Variants in FAAH2 observed in about 807,000 individuals in gnomAD.
The protein encoded by FAAH2 is fatty-acid amide hydrolase 2.
Under a neutral mutation model 36.9 loss-of-function variants are expected in FAAH2, and 60 were observed. That is an observed-to-expected ratio of 1.63 (90% confidence interval 1.32 to 2.02). FAAH2 has a LOEUF of 2.02. Ranked by LOEUF, FAAH2 falls within the 30% of genes most tolerant of loss-of-function variation. The probability of loss-of-function intolerance (pLI) is 0.00; values close to 1 mark genes in which losing one functional copy is unlikely to be tolerated. For synonymous variants in FAAH2, 214 were observed against 143.8 expected (o/e 1.49, Z -3.49); for missense variants, 689 against 397.5 (o/e 1.73, Z -6.23).
intron 4 of FAAH2, among the ~76,000 whole-genome samples, chrX:57,338,672 G>T (rs766920087): frequency 2.9e-4 from 32 of 110,791 alleles, no homozygotes; most frequent in East Asian, 2.9e-4. Flanking sequence ...TGCTACAAAA[G>T]AATACGATAC....
chrX:57,395,024 G>A, intron 7 of FAAH2: 2 of 560,778 alleles, frequency 3.6e-6, no homozygotes, highest in Non-Finnish European at 3.3e-6. Flanking sequence ...AAGTTTCCCA[G>A]CACTGATGCT....
At chrX:57,484,111 A>T (rs995058475) in intron 10 of FAAH2, among the ~76,000 whole-genome samples, 11 of 110,931 alleles carry the variant, frequency 9.9e-5, no homozygotes, top group Non-Finnish European at 1.7e-4. Flanking sequence ...AGCCACTGGC[A>T]ACTTTTTTAT....
intron 2 of FAAH2, among the ~76,000 whole-genome samples, chrX:57,297,083 G>T (rs747753578): frequency 1.8e-5 from 2 of 110,394 alleles, no homozygotes; most frequent in Non-Finnish European, 3.8e-5. Flanking sequence ...CCAACATTCA[G>T]ATCCAGGAAA....
intron 5 of FAAH2, among the ~76,000 whole-genome samples, chrX:57,359,197 C>A (rs773958137): frequency 9.0e-6 from 1 of 111,058 alleles, no homozygotes; most frequent in Admixed American, 9.6e-5. Context: ...TCCTTCACTA[C>A]CCTTACCAGC....
At chrX:57,204,228 T>A in the FAAH2 span, among the ~76,000 whole-genome samples, 1 of 111,663 alleles carries the variant, frequency 9.0e-6, no homozygotes, top group African/African-American at 3.3e-5. Flanking sequence ...CAAATAGGTT[T>A]TTGAGGGTGG....
chrX:57,232,735 T>C, the FAAH2 span, among the ~76,000 whole-genome samples: 1 of 112,381 alleles, frequency 8.9e-6, no homozygotes, highest in South Asian at 3.7e-4. Context: ...TGTTTTCTTC[T>C]AACTCTTAGA....
intron 7 of FAAH2, among the ~76,000 whole-genome samples, chrX:57,411,569 T>C (rs952887869): frequency 1.8e-5 from 2 of 111,851 alleles, no homozygotes; most frequent in African/African-American, 3.3e-5. Flanking sequence ...CTGGCTCTTA[T>C]GTGTTTCCTC....
the FAAH2 span, among the ~76,000 whole-genome samples, chrX:57,142,182 A>G: frequency 9.0e-6 from 1 of 111,319 alleles, no homozygotes; most frequent in African/African-American, 3.3e-5. Context: ...TACTTCTTTA[A>G]GGTGCATTTT....
the FAAH2 span, among the ~76,000 whole-genome samples, chrX:57,207,859 C>T: frequency 8.9e-6 from 1 of 112,916 alleles, no homozygotes; most frequent in African/African-American, 3.2e-5. Flanking sequence ...TACTGTGACA[C>T]TACTGGCTGT....
At chrX:57,221,261 A>G in the FAAH2 span, among the ~76,000 whole-genome samples, 2 of 111,087 alleles carry the variant, frequency 1.8e-5, no homozygotes, top group Non-Finnish European at 3.8e-5. Context: ...AGTACCCAAC[A>G]CATCAACCCA....
At chrX:57,231,493 G>A in the FAAH2 span, among the ~76,000 whole-genome samples, 2 of 111,399 alleles carry the variant, frequency 1.8e-5, no homozygotes, top group Non-Finnish European at 3.8e-5. Flanking sequence ...GTAATTGCAA[G>A]AATATTTTGA....
chrX:57,434,996 CA>C (rs1425663284), intron 8 of FAAH2, among the ~76,000 whole-genome samples: 2 of 110,954 alleles, frequency 1.8e-5, no homozygotes, highest in African/African-American at 6.5e-5. Flanking sequence ...GAAAAAAATA[CA>C]ATAAAAATGT....
chrX:57,128,570 A>G, the FAAH2 span, among the ~76,000 whole-genome samples: 1 of 111,886 alleles, frequency 8.9e-6, no homozygotes, highest in African/African-American at 3.2e-5. Context: ...GTGAAATAAC[A>G]GAAAATTAGT....
intron 10 of FAAH2, among the ~76,000 whole-genome samples, chrX:57,482,326 T>C (rs748087109): frequency 1.2e-4 from 13 of 111,711 alleles, no homozygotes; most frequent in Non-Finnish European, 1.5e-4. Flanking sequence ...CCTGCAGCTA[T>C]CTCAGTGTCA....
At chrX:57,425,537 G>A (rs1023270039) in intron 7 of FAAH2, among the ~76,000 whole-genome samples, 2 of 111,614 alleles carry the variant, frequency 1.8e-5, no homozygotes, top group African/African-American at 3.2e-5. Flanking sequence ...AACTTTATAA[G>A]CCTGAAGAAA....
chrX:57,217,518 G>C, the FAAH2 span, among the ~76,000 whole-genome samples: 1 of 111,683 alleles, frequency 9.0e-6, no homozygotes, highest in African/African-American at 3.3e-5. Context: ...AATTTTCCCA[G>C]AACTATTTGT....
intron 5 of FAAH2, among the ~76,000 whole-genome samples, chrX:57,356,639 CT>C (rs929422851): frequency 2.7e-5 from 3 of 110,439 alleles, no homozygotes; most frequent in African/African-American, 9.8e-5. Context: ...TGAGGTTTCT[CT>C]TTTTTCTTAG....
intron 5 of FAAH2, among the ~76,000 whole-genome samples, chrX:57,360,997 G>T (rs2054273897): frequency 8.9e-6 from 1 of 111,849 alleles, no homozygotes; most frequent in Non-Finnish European, 1.9e-5. Flanking sequence ...TCCTGCAAAG[G>T]ACATGATCTC....
intron 7 of FAAH2, among the ~76,000 whole-genome samples, chrX:57,411,765 T>C (rs762125930): frequency 8.9e-6 from 1 of 111,743 alleles, no homozygotes; most frequent in African/African-American, 3.3e-5. Flanking sequence ...CCAAGCTCTG[T>C]TACCTTAGGG....
Sources: allele counts gnomAD v4.1 joint callset (sites outside exome capture counted in the v4.1 genomes callset), GRCh38; gene constraint gnomAD v4.1.1; transcripts MANE v1.5; gene names NCBI Gene and HGNC (gene_info 2026-07-23, HGNC 2026-07-21).